ZNF496: variants seen among roughly 807,000 people sequenced by gnomAD.
ZNF496 encodes the protein NSD1 (nuclear receptor binding SET-domain containing 1)-interacting zinc finger protein 1.
ZNF496 carries 11 observed loss-of-function variants against 58.9 expected under a neutral mutation model. The ratio of observed to expected loss-of-function variants is 0.19; its 90% CI spans 0.12 to 0.31. The LOEUF (loss-of-function observed/expected upper bound fraction) is 0.31, where lower values mean the gene tolerates loss of function less well. Ranked by LOEUF, ZNF496 falls within the 10% of genes least tolerant of loss-of-function variation. ZNF496 has a pLI of 1.00. For synonymous variants in ZNF496, 338 were observed against 318.2 expected (o/e 1.06, Z -0.66); for missense variants, 660 against 783.0 (o/e 0.84, Z 1.88).
At chr1:247,330,396 T>C (rs531346288) in intron 2 of ZNF496, among the ~76,000 whole-genome samples, 9 of 152,272 alleles carry the variant, frequency 5.9e-5, no homozygotes, top group East Asian at 5.8e-4. Flanking sequence ...TCAAACCACA[T>C]TGAAGGCAAC....
chr1:247,329,122 G>A lies in ZNF496; in HGVS notation c.390+67C>T. 6.2e-7 allele frequency: 1 copy of A among 1,603,450 alleles called. No homozygotes were observed. On this transcript the variant is annotated intron_variant, in intron 4 of 9. Coordinates refer to ENST00000682384, the MANE Select transcript of ZNF496 (RefSeq NM_032752.3). The surrounding 1 kb of genome is among the most constrained non-coding windows in gnomAD (Gnocchi z 5.5). ...ACTCCTCATTCCCCAGCCAGCACAT[G>A]CATGGCCCAGCCAAAGTGTCTAAGT...
At chr1:247,305,297 G>A (rs1572072107) in intron 9 of ZNF496, among the ~76,000 whole-genome samples, 1 of 152,152 alleles carries the variant, frequency 6.6e-6, no homozygotes, top group African/African-American at 2.4e-5. Flanking sequence ...AGAGCTATTG[G>A]TCTAACTGCC....
chr1:247,305,164 T>C lies in ZNF496; in HGVS notation c.1006+3311A>G, dbSNP rs559605869. On this transcript the variant is annotated intron_variant, in intron 9 of 9. Transcript: ENST00000682384. ...ATATGGGTGGGTGGGCTCCCACATATGGTGGGAGGCCGAGGCAGGAAAATT... is the reference window on the plus strand; with the variant it reads ...ATATGGGTGGGTGGGCTCCCACATACGGTGGGAGGCCGAGGCAGGAAAATT... Among the ~76,000 whole-genome samples, 39 of 152,084 alleles carry C rather than the reference T, an allele frequency of 2.6e-4. 2 individuals carry two copies. In the South Asian group the frequency reaches 7.9e-3, roughly 31 times the overall value.
Position 247,301,203 on chromosome 1 carries a change from A to G in ZNF496, c.1080T>C (p.Ser360=). Residue 360 remains serine (S), a synonymous_variant, in exon 10 of 10, where the codon TCT becomes TCC. Coordinates refer to ENST00000682384, the MANE Select transcript of ZNF496 (RefSeq NM_032752.3). ...GGCCATGCTGGGAGTCCTCGTCCCC[A>G]GAGCTGGAGAGAACGATCTCGATGG... ...EVTIEIVLSS[S]GDEDSQHGPY... 1 of 1,565,894 alleles carries G rather than the reference A, an allele frequency of 6.4e-7. No homozygotes were observed. Among genetic ancestry groups the G allele is most frequent in the Non-Finnish European group, 8.7e-7 (1 of 1,155,366 alleles).
intron 9 of ZNF496, chr1:247,303,954 G>A: frequency 3.9e-6 from 1 of 257,440 alleles, no homozygotes; most frequent in South Asian, 3.4e-5. Flanking sequence ...TATCCAGGAA[G>A]GTCTATGGAG....
At chr1:247,303,518 G>A (rs1003661657) in intron 9 of ZNF496, among the ~76,000 whole-genome samples, 8 of 152,224 alleles carry the variant, frequency 5.3e-5, no homozygotes, top group African/African-American at 1.9e-4. Context: ...CCTTGAGGAA[G>A]TGGCTGGTAG....
Position 247,309,867 on chromosome 1 carries a change from G to C in ZNF496, c.785-61C>G. On this transcript the variant is annotated intron_variant, in intron 7 of 9. Transcript: ENST00000682384. The surrounding 1 kb of genome is among the most constrained non-coding windows in gnomAD (Gnocchi z 4.3). The stretch of plus-strand genomic sequence containing the variant: ...GTAATCTGATCCTGCAGCAACCAGG[G>C]CTGGTCCAGAAGAGAGAAGGCGGAG... The C allele has an allele frequency of 6.3e-7, 1 of 1,582,834 alleles. No individual in the cohort carries two copies. Among genetic ancestry groups the C allele is most frequent in the South Asian group, 1.1e-5 (1 of 88,860 alleles).
At chr1:247,316,216 CGTGTGT>C (rs67737658) in intron 6 of ZNF496, among the ~76,000 whole-genome samples, 26 of 90,618 alleles carry the variant, frequency 2.9e-4, no homozygotes, top group East Asian at 1.6e-3. Context: ...CGCGCGTGCG[CGTGTGT>C]GTGTGTGTGT....
intron 6 of ZNF496, chr1:247,313,305 T>TG (rs1158379840): frequency 6.6e-6 from 1 of 152,196 alleles, no homozygotes; most frequent in African/African-American, 2.4e-5. Flanking sequence ...GTGTGGAAGC[T>TG]GGGGCTGAGG....
intron 6 of ZNF496, chr1:247,311,736 CCCGCCCCATGGCAGCCCCTGGTGAGGG>C (rs1360961680): frequency 6.6e-6 from 1 of 152,376 alleles, no homozygotes; most frequent in African/African-American, 2.4e-5. Flanking sequence ...CCTGGGTGGT[CCCGCCCCATGGCAGCCCCTGGTGAGGG>C]CCTGCCCTTG....
At chr1:247,326,746 T>C (rs749500244) in intron 5 of ZNF496, among the ~76,000 whole-genome samples, 1 of 152,146 alleles carries the variant, frequency 6.6e-6, no homozygotes, top group Admixed American at 6.5e-5. Context: ...AAAGAGGTCA[T>C]TAAGATAAAA....
intron 5 of ZNF496, among the ~76,000 whole-genome samples, chr1:247,326,763 C>A (rs1660141089): frequency 6.6e-6 from 1 of 152,160 alleles, no homozygotes; most frequent in African/African-American, 2.4e-5. Flanking sequence ...AAAATCAGGT[C>A]ATATGGGTGG....
chr1:247,320,257 A>C (rs1244275426), intron 6 of ZNF496, among the ~76,000 whole-genome samples: 4 of 152,238 alleles, frequency 2.6e-5, no homozygotes, highest in Admixed American at 6.5e-5. Flanking sequence ...TGGTTAAACG[A>C]ACTGTTGGAC....
intron 9 of ZNF496, among the ~76,000 whole-genome samples, chr1:247,306,123 C>T (rs1328368868): frequency 6.6e-6 from 1 of 151,538 alleles, no homozygotes; most frequent in Admixed American, 6.6e-5. Context: ...TATGAATCCA[C>T]AGAAAAAGCA....
At chr1:247,307,755 C>T in intron 9 of ZNF496, 1 of 985,350 alleles carries the variant, frequency 1.0e-6, no homozygotes, top group South Asian at 4.7e-5. Flanking sequence ...AGTTGGTCTC[C>T]ATAGCTGCAG....
At chr1:247,330,318 T>C (rs1468022702) in intron 2 of ZNF496, among the ~76,000 whole-genome samples, 1 of 152,230 alleles carries the variant, frequency 6.6e-6, no homozygotes, top group African/African-American at 2.4e-5. Flanking sequence ...TGGTTTCCTA[T>C]GAGCCTTCTG....
At chr1:247,307,095 A>T (rs956604709) in intron 9 of ZNF496, 2 of 985,272 alleles carry the variant, frequency 2.0e-6, no homozygotes, top group African/African-American at 3.5e-5. Context: ...ATTCCACCTC[A>T]GTGGCGGATG....
intron 9 of ZNF496, chr1:247,307,380 C>T: frequency 1.0e-6 from 1 of 985,434 alleles, no homozygotes; most frequent in South Asian, 4.7e-5. Context: ...GTTGAAAACT[C>T]CTGTGTATAA....
chr1:247,331,115 C>G (rs543128074), intron 2 of ZNF496, among the ~76,000 whole-genome samples: 95 of 152,246 alleles, frequency 6.2e-4, no homozygotes, highest in African/African-American at 2.0e-3. Flanking sequence ...GCCCGCCCCC[C>G]CGAGCACCGG....
Sources: allele counts gnomAD v4.1 joint callset (sites outside exome capture counted in the v4.1 genomes callset), GRCh38; gene constraint gnomAD v4.1.1; non-coding constraint Gnocchi (gnomAD v3.1); transcripts MANE v1.5; gene names NCBI Gene and HGNC (gene_info 2026-07-23, HGNC 2026-07-21).